Variants in C2 observed in about 807,000 individuals in gnomAD.
C2 encodes complement C2, also known as C3/C5 convertase.
Under a neutral mutation model 85.2 loss-of-function variants are expected in C2, and 64 were observed. The ratio of observed to expected loss-of-function variants is 0.75; its 90% confidence interval spans 0.61 to 0.92. C2 has a LOEUF of 0.92. Among genes scored for constraint, C2 ranks in the 40% least tolerant of loss-of-function variants. The pLI is 0.00. For synonymous variants in C2, 311 were observed against 370.8 expected (o/e 0.84, Z 1.85); for missense variants, 820 against 971.6 (o/e 0.84, Z 2.07).
Position 31,944,122 on chromosome 6 carries a change from C to A in C2, c.1811-13C>A. The stretch of plus-strand genomic sequence containing the variant: ...AAAGGACCAGCACCAACATCCCCTT[C>A]TCTTGACTATAGAGAATGAACTGCT... On this transcript the variant is annotated splice_polypyrimidine_tract_variant and intron_variant, in intron 14 of 17. Coordinates refer to ENST00000299367, the MANE Select transcript of C2 (RefSeq NM_000063.6). This position sits in a 1 kb window ranked among gnomAD's most constrained non-coding sequence, Gnocchi z 5.1. 1.2e-6 allele frequency: 2 copies of A among 1,609,546 alleles called. No homozygotes were observed. Among genetic ancestry groups the A allele is most frequent in the Non-Finnish European group, 8.5e-7 (1 of 1,176,806 alleles).
upstream of C2, among the ~76,000 whole-genome samples, chr6:31,917,124 C>T (rs1380487986): frequency 2.2e-5 from 3 of 138,092 alleles, no homozygotes; most frequent in African/African-American, 5.5e-5. Context: ...TGAGCCAAGA[C>T]GGCACCACTG....
chr6:31,900,750 G>C (rs1767168539), upstream of C2: 1 of 1,593,150 alleles, frequency 6.3e-7, no homozygotes, highest in East Asian at 2.2e-5. The surrounding 1 kb of genome is among the most constrained non-coding windows in gnomAD (Gnocchi z 9.7). Context: ...TCTTCATCCA[G>C]TGGGAACTCC....
Position 31,943,503 on chromosome 6 carries a change from C to T in C2, c.1543C>T (p.His515Tyr). 1 of 1,613,030 alleles carries T rather than the reference C, an allele frequency of 6.2e-7. No homozygotes were observed. Among genetic ancestry groups the T allele is most frequent in the Non-Finnish European group, 8.5e-7 (1 of 1,179,996 alleles). ...AAHCFRDGND[H>Y]SLWRVNVGDP... The stretch of plus-strand genomic sequence containing the variant: ...TCATTGCTTCCGCGATGGCAACGAC[C>T]ACTCCCTGTGGAGGGTCAATGTGGG... The change falls in exon 12 of 18, where the codon CAC becomes TAC. Residue 515 changes from histidine to tyrosine, a missense_variant. Coordinates refer to ENST00000299367, the MANE Select transcript of C2 (RefSeq NM_000063.6). The surrounding 1 kb of genome is among the most constrained non-coding windows in gnomAD (Gnocchi z 6.4).
At chr6:31,936,293 A>G (rs889422786) in intron 7 of C2, 2 of 555,990 alleles carry the variant, frequency 3.6e-6, no homozygotes, top group Non-Finnish European at 6.5e-6. Context: ...CAGGTCTTCA[A>G]TTCCTTCCAG....
rs769768722 is a variant in C2 at position 31,922,348 on chromosome 6, G to GGGT, written c.-100+2325_-100+2327dup. On this transcript the variant is annotated intron_variant, in intron 1 of 3. Transcript: ENST00000413154. This position sits in a 1 kb window ranked among gnomAD's most constrained non-coding sequence, Gnocchi z 4.8. ...CCTGCAGTTGCCATAGAAGGTTGAGGGGTGGCAGATCCTAGGATGACCGCG... is the reference window on the plus strand; with the variant it reads ...CCTGCAGTTGCCATAGAAGGTTGAGGGGTGGTGGCAGATCCTAGGATGACCGCG... Among the ~76,000 whole-genome samples the GGGT allele has an allele frequency of 2.0e-5, 3 of 152,130 alleles. No individual in the cohort carries two copies. Among genetic ancestry groups the GGGT allele is most frequent in the Non-Finnish European group, 2.9e-5 (2 of 68,028 alleles).
chr6:31,910,055 A>G (rs1767989967), intron 1 of C2, among the ~76,000 whole-genome samples: 2 of 147,090 alleles, frequency 1.4e-5, no homozygotes, highest in South Asian at 4.3e-4. Context: ...TAATTTTTGT[A>G]TTTATAGTAG....
chr6:31,936,171 C>A, intron 7 of C2, 110 bp downstream of exon 7: 1 of 1,218,418 alleles, frequency 8.2e-7, no homozygotes, highest in East Asian at 2.5e-5. Context: ...CTTGGTGGCA[C>A]CTGAGTCCCA....
rs1256799341 is a variant in C2, at chr6:31,944,708, G to A, written c.1903-19G>A. ...GTCTGCTTATTCTACCCTTCTCTCT[G>A]GTTCCACCCCTGCTGCAGTGGACAA... On this transcript the variant is annotated intron_variant, in intron 15 of 17. Transcript: ENST00000299367. The surrounding 1 kb of genome is among the most constrained non-coding windows in gnomAD (Gnocchi z 5.1). The A allele has an allele frequency of 1.2e-6, 2 of 1,612,932 alleles. No individual in the cohort carries two copies. The highest frequency in any genetic ancestry group is 1.7e-6 in the Non-Finnish European group (2 of 1,180,004).
chr6:31,938,898 C>T (rs936094049), intron 8 of C2, among the ~76,000 whole-genome samples: 1 of 152,142 alleles, frequency 6.6e-6, no homozygotes, highest in Non-Finnish European at 1.5e-5. Context: ...GGTGATCCAC[C>T]TGCCTTGGCC....
At position 31,922,398 on chromosome 6, in the gene C2, T is replaced by A. The variant is rs1769035619; in HGVS notation, c.-100+2372T>A. Among the ~76,000 whole-genome samples, 1 of 152,130 alleles carries A rather than the reference T, an allele frequency of 6.6e-6. No individual in the cohort carries two copies. The highest frequency in any genetic ancestry group is 2.4e-5 in the African/African-American group (1 of 41,426). The stretch of plus-strand genomic sequence containing the variant: ...GAAGTCCATGCCCAAGTGGCCAGAC[T>A]GGATAAGGAGTAGACTGGCCACTAG... On this transcript the variant is annotated intron_variant, in intron 1 of 3. Transcript: ENST00000413154. This position sits in a 1 kb window ranked among gnomAD's most constrained non-coding sequence, Gnocchi z 4.8.
chr6:31,939,510 CTTTTTTTTTTT>C (rs896123643), intron 9 of C2, among the ~76,000 whole-genome samples, 190 bp downstream of exon 9: 2 of 126,432 alleles, frequency 1.6e-5, no homozygotes, highest in Non-Finnish European at 3.4e-5. Flanking sequence ...ACCTTACCTT[CTTTTTTTTTTT>C]TTTTTTTTTT....
At chr6:31,915,777 A>G (rs983580687), upstream of C2, among the ~76,000 whole-genome samples, 7 of 152,234 alleles carry the variant, frequency 4.6e-5, no homozygotes, top group Non-Finnish European at 1.0e-4. Context: ...TCACTGGCCA[A>G]AGCAAGCCAG....
chr6:31,931,986 G>C (rs1769824448), intron 3 of C2, among the ~76,000 whole-genome samples: 1 of 134,356 alleles, frequency 7.4e-6, no homozygotes. Flanking sequence ...TGGCCGGGCG[G>C]GGGGCTGACC....
In C2 at chr6:31,943,620, C is replaced by T. The variant is rs772067966; in HGVS notation, c.1568-24C>T. The stretch of plus-strand genomic sequence containing the variant: ...GGCCCCTGCAGGAGCCCTGGTCTAG[C>T]CTAATCTAGTGTATCATTTCCAGGA... On this transcript the variant is annotated intron_variant, in intron 12 of 17. Coordinates refer to ENST00000299367, the MANE Select transcript of C2 (RefSeq NM_000063.6). The surrounding 1 kb of genome is among the most constrained non-coding windows in gnomAD (Gnocchi z 6.4). 6.2e-6 allele frequency: 10 copies of T among 1,612,752 alleles called. No individual in the cohort carries two copies. The highest frequency in any genetic ancestry group is 1.7e-5 in the Admixed American group (1 of 60,030).
chr6:31,944,011 T>C lies in C2; in HGVS notation c.1810+18T>C, dbSNP rs768179709. Reference sequence around the variant, plus strand: ...GGACCATGGTGAGTGCTGGGACTTATGGTGCTTGAGAGCTGGGGCCGGGGT... The same window carrying C: ...GGACCATGGTGAGTGCTGGGACTTACGGTGCTTGAGAGCTGGGGCCGGGGT... On this transcript the variant is annotated intron_variant, in intron 14 of 17. Coordinates refer to ENST00000299367, the MANE Select transcript of C2 (RefSeq NM_000063.6). This position sits in a 1 kb window ranked among gnomAD's most constrained non-coding sequence, Gnocchi z 5.1. 2.2e-5 allele frequency: 35 copies of C among 1,612,014 alleles called. No homozygotes were observed. The East Asian group carries it at 2.9e-4, about 13-fold the overall frequency.
intron 1 of C2, among the ~76,000 whole-genome samples, chr6:31,903,649 G>T (rs1767531837): frequency 6.6e-6 from 1 of 152,006 alleles, no homozygotes; most frequent in Non-Finnish European, 1.5e-5. Flanking sequence ...CACCAAAAAA[G>T]GTCATGCAAC....
chr6:31,903,396 G>T (rs753747538), intron 1 of C2, among the ~76,000 whole-genome samples: 5 of 151,888 alleles, frequency 3.3e-5, no homozygotes, highest in African/African-American at 7.3e-5. Context: ...GTGGGAGGCC[G>T]AGGCAGGTGG....
intron 3 of C2, among the ~76,000 whole-genome samples, chr6:31,932,899 C>G (rs1032039416): frequency 1.3e-5 from 2 of 152,388 alleles, no homozygotes; most frequent in Non-Finnish European, 2.9e-5. Flanking sequence ...GGATCACTCG[C>G]GGTTAGGAGC....
chr6:31,937,539 C>G (rs1284258160), intron 8 of C2, 80 bp downstream of exon 8: 6 of 1,552,732 alleles, frequency 3.9e-6, no homozygotes, highest in Non-Finnish European at 5.3e-6. Context: ...AATTCTGATT[C>G]TCCCTCTGCC....
Sources: allele counts gnomAD v4.1 joint callset (sites outside exome capture counted in the v4.1 genomes callset), GRCh38; gene constraint gnomAD v4.1.1; non-coding constraint Gnocchi (gnomAD v3.1); transcripts MANE v1.5; gene names NCBI Gene and HGNC (gene_info 2026-07-23, HGNC 2026-07-21).